Variants in BCL2L1 observed in about 807,000 individuals in gnomAD.
The protein encoded by BCL2L1 is BCL2 like 1, also known as bcl-2-like protein 1.
A neutral mutation model predicts 18.7 loss-of-function variants in BCL2L1; 1 was observed. The observed-to-expected ratio is 0.05, with a 90% CI of 0.02 to 0.25. The LOEUF (loss-of-function observed/expected upper bound fraction) is 0.25, where lower values mean the gene tolerates loss of function less well. Ranked by LOEUF, BCL2L1 falls within the 10% of genes least tolerant of loss-of-function variation. The pLI, the probability that BCL2L1 is intolerant of heterozygous loss-of-function variation, is 1.00. For missense variants in BCL2L1, 207 were observed against 304.9 expected, an observed-to-expected ratio of 0.68 and a Z score of 2.39; for synonymous variants, 103 against 122.7, an observed-to-expected ratio of 0.84 and a Z score of 1.06.
chr20:31,716,046 C>T (rs2061530556), intron 2 of BCL2L1, among the ~76,000 whole-genome samples: 1 of 152,120 alleles, frequency 6.6e-6, no homozygotes, highest in Non-Finnish European at 1.5e-5. Flanking sequence ...ACTCAAGCCC[C>T]TAACAGAAGT....
intron 2 of BCL2L1, among the ~76,000 whole-genome samples, chr20:31,688,953 T>A (rs182076025): frequency 5.9e-5 from 9 of 152,180 alleles, no homozygotes; most frequent in East Asian, 3.9e-4. Flanking sequence ...CACACTAGGG[T>A]TGCTACCATC....
rs199575410 is a variant in BCL2L1, at chr20:31,697,892, G to GTTTTTTTTTTTTTTTTTTTTTTT, written c.564+23762_564+23763insAAAAAAAAAAAAAAAAAAAAAAA. 4.6e-4 allele frequency among the ~76,000 whole-genome samples: 59 copies of GTTTTTTTTTTTTTTTTTTTTTTT among 129,648 alleles called. 3 individuals carry two copies. The highest frequency in any genetic ancestry group is 1.9e-3 in the African/African-American group (57 of 30,506). 85.1% of individuals were successfully genotyped at this position (129,648 alleles called of 152,430 possible). A position where few individuals can be genotyped will look rare whatever the true frequency, so the allele number is the denominator to read the frequency against. On this transcript the variant is annotated intron_variant, in intron 2 of 2. Transcript: ENST00000307677. ...AGAATCCTCAGCATGTGCTGTTGCT[G>GTTTTTTTTTTTTTTTTTTTTTTT]TTTTTTTTTTTTTGAGACGGAGTCT...
chr20:31,711,935 G>C (rs1180582914), intron 2 of BCL2L1, among the ~76,000 whole-genome samples: 1 of 152,194 alleles, frequency 6.6e-6, no homozygotes, highest in East Asian at 1.9e-4. Flanking sequence ...ACTAGCCTGT[G>C]AAGCTCTGGG....
rs2060563213 is a variant in BCL2L1, at chr20:31,664,865, C to G, written c.*1084G>C. 4.6e-6 allele frequency: 1 copy of G among 219,772 alleles called. No homozygotes were observed. The highest frequency in any genetic ancestry group is 9.2e-6 in the Non-Finnish European group (1 of 109,154). The allele number at this position is 219,772 out of a possible 1,614,324, so 13.6% of individuals were successfully genotyped here. On this transcript the variant is annotated 3_prime_UTR_variant, in exon 3 of 3. Coordinates refer to ENST00000307677, the MANE Select transcript of BCL2L1 (RefSeq NM_138578.3). ...CTGAAGAGCTCCTGGCCAGGCCACT[C>G]TGGCCTTGGCAGCCTGGCTGCCCAG...
At chr20:31,686,629 G>C (rs1397255365) in intron 2 of BCL2L1, among the ~76,000 whole-genome samples, 1 of 152,056 alleles carries the variant, frequency 6.6e-6, no homozygotes, top group Non-Finnish European at 1.5e-5. Flanking sequence ...TTCACATCTG[G>C]TCCATCCTTC....
intron 2 of BCL2L1, among the ~76,000 whole-genome samples, chr20:31,680,907 T>C (rs2060848420): frequency 6.6e-6 from 1 of 152,216 alleles, no homozygotes; most frequent in African/African-American, 2.4e-5. Context: ...CAGGGACAAC[T>C]TCTTAAGGAG....
intron 2 of BCL2L1, among the ~76,000 whole-genome samples, chr20:31,703,381 G>A (rs2122717453): frequency 6.6e-6 from 1 of 152,038 alleles, no homozygotes; most frequent in South Asian, 2.1e-4. Context: ...GTTGCATCAT[G>A]TTGGCCAGGC....
At chr20:31,693,063 C>T (rs1324138790) in intron 2 of BCL2L1, among the ~76,000 whole-genome samples, 1 of 140,776 alleles carries the variant, frequency 7.1e-6, no homozygotes, top group African/African-American at 2.7e-5. Flanking sequence ...AAAGTGGGAC[C>T]GTCTCAAAAA....
chr20:31,689,419 C>T (rs187571529), intron 2 of BCL2L1, among the ~76,000 whole-genome samples: 1,500 of 139,752 alleles, frequency 0.011, 14 homozygotes, highest in Non-Finnish European at 0.019. Context: ...AGTGAGATCC[C>T]GTCTCTACAA....
At position 31,665,874 on chromosome 20, in the gene BCL2L1, G is replaced by T; in HGVS notation, c.*75C>A. The stretch of plus-strand genomic sequence containing the variant: ...GCTGCATGTAGTGGTTCTCCTGGTG[G>T]CAATGGCGGCTGGACGGAGGATGTG... On this transcript the variant is annotated 3_prime_UTR_variant, in exon 3 of 3. Transcript: ENST00000307677. The T allele has an allele frequency of 6.4e-7, 1 of 1,563,234 alleles. No individual in the cohort carries two copies.
intron 2 of BCL2L1, among the ~76,000 whole-genome samples, chr20:31,692,099 A>C (rs935752626): frequency 1.3e-5 from 2 of 152,224 alleles, no homozygotes; most frequent in Non-Finnish European, 2.9e-5. Context: ...TAGAAGTGCA[A>C]ATTCTGAGGG....
chr20:31,721,391 T>C, intron 2 of BCL2L1: 1 of 473,708 alleles, frequency 2.1e-6, no homozygotes, highest in Non-Finnish European at 3.7e-6. Context: ...ACAGTTTTCT[T>C]TGCTGAGAAA....
rs532065884 is a variant in BCL2L1, at chr20:31,671,365, C to A, written c.565-5279G>T. On this transcript the variant is annotated intron_variant, in intron 2 of 2. Coordinates refer to ENST00000307677, the MANE Select transcript of BCL2L1 (RefSeq NM_138578.3). ...CAATACTTCAAGAGGCTTCAACAGT[C>A]CTGGCCACCCACTTGGAATGGCCCC... 7.2e-5 allele frequency among the ~76,000 whole-genome samples: 11 copies of A among 152,238 alleles called. No homozygotes were observed. In the East Asian group the frequency reaches 1.2e-3, roughly 16 times the overall value.
intron 2 of BCL2L1, among the ~76,000 whole-genome samples, chr20:31,685,028 A>G (rs1568864462): frequency 6.6e-6 from 1 of 152,168 alleles, no homozygotes; most frequent in African/African-American, 2.4e-5. Context: ...TAGATTTTAG[A>G]GACTCTATAT....
upstream of BCL2L1, chr20:31,723,738 C>A: frequency 3.0e-6 from 3 of 985,438 alleles, no homozygotes; most frequent in Non-Finnish European, 3.6e-6. Flanking sequence ...CTCTCACCTG[C>A]GAGCCCCGCG....
At chr20:31,705,500 A>G (rs1273040012) in intron 2 of BCL2L1, among the ~76,000 whole-genome samples, 1 of 152,214 alleles carries the variant, frequency 6.6e-6, no homozygotes, top group Non-Finnish European at 1.5e-5. Context: ...CATACTTCCA[A>G]TTAACAAAAT....
intron 2 of BCL2L1, among the ~76,000 whole-genome samples, chr20:31,693,778 C>T (rs1178869467): frequency 1.3e-5 from 2 of 152,142 alleles, no homozygotes; most frequent in African/African-American, 4.8e-5. Context: ...TCAAGCATTC[C>T]TCCTACCTCA....
chr20:31,713,372 GAC>G lies in BCL2L1; in HGVS notation c.564+8281_564+8282del, dbSNP rs1363908456. 4.1e-6 allele frequency: 4 copies of G among 985,222 alleles called. No homozygotes were observed. In the African/African-American group the frequency reaches 7.0e-5, roughly 17 times the overall value. The allele number at this position is 985,222 out of a possible 1,614,324, so 61.0% of individuals were successfully genotyped here. ...AGTAATGGACAAGAGGAAAGGCAGG[GAC>G]ACGTCCAAAAAAAGTAGTTTTTGGG... On this transcript the variant is annotated intron_variant, in intron 2 of 2. Coordinates refer to ENST00000307677, the MANE Select transcript of BCL2L1 (RefSeq NM_138578.3).
chr20:31,680,762 G>T (rs773587338), intron 2 of BCL2L1, among the ~76,000 whole-genome samples: 1 of 152,162 alleles, frequency 6.6e-6, no homozygotes, highest in Non-Finnish European at 1.5e-5. Flanking sequence ...ATGAAAATTC[G>T]TACCTGTATG....
Sources: gnomAD v4.1 joint callset for allele counts (sites outside exome capture counted in the v4.1 genomes callset) on GRCh38, gnomAD v4.1.1 for gene constraint, MANE v1.5 for transcripts, NCBI Gene and HGNC (gene_info 2026-07-23, HGNC 2026-07-21) for gene names.